Variants in PDIA6 observed in about 807,000 individuals in gnomAD.
The protein encoded by PDIA6 is protein disulfide-isomerase A6.
Under a neutral mutation model 58.4 loss-of-function variants are expected in PDIA6, and 29 were observed. That is an observed-to-expected ratio of 0.50 (90% CI 0.37 to 0.68). The LOEUF is 0.68. Among genes scored for constraint, PDIA6 ranks in the 30% least tolerant of loss-of-function variants. The probability of loss-of-function intolerance (pLI) is 0.00; values close to 1 mark genes in which losing one functional copy is unlikely to be tolerated. For missense variants in PDIA6, 480 were observed against 551.0 expected (o/e 0.87, Z 1.29); for synonymous variants, 192 against 202.6 (o/e 0.95, Z 0.44).
At position 10,790,850 on chromosome 2, in the gene PDIA6, G is replaced by A. The variant is rs200721282; in HGVS notation, c.585-17C>T. On this transcript the variant is annotated splice_polypyrimidine_tract_variant and intron_variant, in intron 6 of 12. Transcript: ENST00000272227. ...GGCTCTAGGCTATAGAAAAATATTC[G>A]TTTTGTTTTGTTTCTTTGAGACACA... The A allele has an allele frequency of 1.3e-4, 212 of 1,577,868 alleles. 2 individuals carry two copies. The Admixed American group carries it at 1.5e-3, about 11-fold the overall frequency.
chr2:10,811,497 A>C (rs570762052), intron 1 of PDIA6, among the ~76,000 whole-genome samples: 24 of 111,850 alleles, frequency 2.1e-4, no homozygotes, highest in Admixed American at 6.7e-4. Flanking sequence ...ACCGTGTCTC[A>C]AAAAACAGAA....
intron 1 of PDIA6, among the ~76,000 whole-genome samples, chr2:10,811,366 C>CA (rs1288061633): frequency 1.3e-5 from 2 of 152,102 alleles, no homozygotes; most frequent in East Asian, 1.9e-4. Context: ...CCTGACTCTA[C>CA]AAAAAATTTA....
chr2:10,803,289 C>G (rs1456254532), intron 1 of PDIA6, among the ~76,000 whole-genome samples: 1 of 152,132 alleles, frequency 6.6e-6, no homozygotes, highest in Non-Finnish European at 1.5e-5. Flanking sequence ...TCCCAAGTAG[C>G]TGGGATTACA....
upstream of PDIA6, among the ~76,000 whole-genome samples, chr2:10,815,994 C>T (rs1432125402): frequency 6.6e-6 from 1 of 152,074 alleles, no homozygotes; most frequent in Non-Finnish European, 1.5e-5. Flanking sequence ...CCCTGCTGTC[C>T]CCAGCCCTGG....
chr2:10,787,207 T>C, intron 11 of PDIA6, 74 bp downstream of exon 11: 1 of 1,265,484 alleles, frequency 7.9e-7, no homozygotes, highest in African/African-American at 1.5e-5. Flanking sequence ...TATATATACC[T>C]AGTTCCAAAT....
intron 11 of PDIA6, among the ~76,000 whole-genome samples, chr2:10,785,760 C>CT (rs931671839): frequency 6.6e-6 from 1 of 152,344 alleles, no homozygotes; most frequent in Admixed American, 6.5e-5. Flanking sequence ...AAGTCACACT[C>CT]TTTTGCCCAG....
At chr2:10,792,321 C>A (rs1158458645) in intron 5 of PDIA6, among the ~76,000 whole-genome samples, 1 of 152,222 alleles carries the variant, frequency 6.6e-6, no homozygotes, top group Non-Finnish European at 1.5e-5. Flanking sequence ...TACCAGTCAA[C>A]AGAGCTAAAA....
At chr2:10,812,835 G>A (rs1425867153), upstream of PDIA6, 17 of 1,173,938 alleles carry the variant, frequency 1.4e-5, no homozygotes, top group Non-Finnish European at 1.8e-5. Flanking sequence ...GGGGCGGGCC[G>A]GAAGGCGCTC....
Position 10,790,914 on chromosome 2 carries a change from A to G in PDIA6, c.585-81T>C, listed in dbSNP as rs905835374. 5 of 984,142 alleles carry G rather than the reference A, an allele frequency of 5.1e-6. No homozygotes were observed. The African/African-American group carries it at 6.4e-5, about 13-fold the overall frequency. 61.0% of individuals were successfully genotyped at this position (984,142 alleles called of 1,614,324 possible). ...GCCCAGGCTGGAGTGCAGTGGTGCA[A>G]TCATGGCTCCCTGCAGCCTCAATCT... On this transcript the variant is annotated intron_variant, in intron 6 of 12. Transcript: ENST00000272227.
At position 10,785,034 on chromosome 2, in the gene PDIA6, A is replaced by G; in HGVS notation, c.1158-4T>C. On this transcript the variant is annotated splice_polypyrimidine_tract_variant and splice_region_variant and intron_variant, in intron 11 of 12. Coordinates refer to ENST00000272227, the MANE Select transcript of PDIA6 (RefSeq NM_005742.4). The stretch of plus-strand genomic sequence containing the variant: ...GCCACGCCCAAAAGAGAGCTCCCTT[A>G]GGGAAAAATGACCAAAACACACACA... The G allele has an allele frequency of 6.4e-7, 1 of 1,564,826 alleles. No individual in the cohort carries two copies. The highest frequency in any genetic ancestry group is 8.7e-7 in the Non-Finnish European group (1 of 1,152,054).
At chr2:10,806,572 C>G (rs1374866009) in intron 1 of PDIA6, among the ~76,000 whole-genome samples, 14 of 124,866 alleles carry the variant, frequency 1.1e-4, no homozygotes, top group Non-Finnish European at 1.9e-4. Context: ...GCCAGCAGTT[C>G]AAAACCAGGC....
upstream of PDIA6, among the ~76,000 whole-genome samples, chr2:10,813,931 G>A (rs561017417): frequency 1.3e-5 from 2 of 151,066 alleles, no homozygotes; most frequent in South Asian, 4.2e-4. Flanking sequence ...CTCCATATTG[G>A]CCAGGCTGGT....
intron 1 of PDIA6, among the ~76,000 whole-genome samples, chr2:10,829,334 G>C (rs372922571): frequency 1.3e-5 from 2 of 152,188 alleles, no homozygotes; most frequent in East Asian, 3.9e-4. Flanking sequence ...AGCTTCAGGA[G>C]CACCCGTGCC....
At chr2:10,812,046 G>C (rs1254668432) in intron 1 of PDIA6, among the ~76,000 whole-genome samples, 1 of 152,008 alleles carries the variant, frequency 6.6e-6, no homozygotes, top group Admixed American at 6.6e-5. Context: ...GAGTAGCTGG[G>C]ATCACTGGCG....
chr2:10,798,216 T>G (rs1366658340), intron 2 of PDIA6, among the ~76,000 whole-genome samples: 1 of 151,534 alleles, frequency 6.6e-6, no homozygotes, highest in Non-Finnish European at 1.5e-5. Flanking sequence ...ATAAGTAAAA[T>G]AGGATCAGCA....
At chr2:10,787,796 G>A (rs1272510491) in intron 10 of PDIA6, among the ~76,000 whole-genome samples, 1 of 152,196 alleles carries the variant, frequency 6.6e-6, no homozygotes, top group Admixed American at 6.5e-5. Context: ...TGGGCACGGT[G>A]GCTCACGCCT....
intron 1 of PDIA6, chr2:10,823,036 A>G (rs1218076771): frequency 6.6e-6 from 1 of 152,244 alleles, no homozygotes; most frequent in African/African-American, 2.4e-5. Context: ...GGTGGTTTGT[A>G]TAAATCCACT....
intron 1 of PDIA6, among the ~76,000 whole-genome samples, chr2:10,830,725 GA>G (rs1667686580): frequency 1.3e-5 from 2 of 152,196 alleles, no homozygotes; most frequent in Non-Finnish European, 2.9e-5. Flanking sequence ...GAGCTGAACT[GA>G]ACTGCCCCTC....
At chr2:10,837,213 C>T (rs765149393), upstream of PDIA6, among the ~76,000 whole-genome samples, 5 of 152,184 alleles carry the variant, frequency 3.3e-5, no homozygotes, top group Non-Finnish European at 7.3e-5. Flanking sequence ...TGTGCTGCTC[C>T]CATGGCGGCC....
Sources: gnomAD v4.1 joint callset for allele counts (sites outside exome capture counted in the v4.1 genomes callset) on GRCh38, gnomAD v4.1.1 for gene constraint, MANE v1.5 for transcripts, NCBI Gene and HGNC (gene_info 2026-07-23, HGNC 2026-07-21) for gene names.